B3GAT2: variants seen among roughly 807,000 people sequenced by gnomAD.
B3GAT2 encodes galactosylgalactosylxylosylprotein 3-beta-glucuronosyltransferase 2.
B3GAT2 carries 26 observed loss-of-function variants against 27.8 expected under a neutral mutation model. The ratio of observed to expected loss-of-function variants is 0.93; its 90% CI spans 0.68 to 1.30. B3GAT2 has a LOEUF of 1.30. B3GAT2 is among the 50% of genes most tolerant of loss of function. B3GAT2 has a pLI of 0.00. For missense variants in B3GAT2, 458 were observed against 459.0 expected, an observed-to-expected ratio of 1.00 and a Z score of 0.02; for synonymous variants, 218 against 195.1, an observed-to-expected ratio of 1.12 and a Z score of -0.98.
At chr6:70,904,007 A>T (rs151070592) in intron 1 of B3GAT2, among the ~76,000 whole-genome samples, 2 of 152,364 alleles carry the variant, frequency 1.3e-5, no homozygotes, top group Non-Finnish European at 2.9e-5. Flanking sequence ...TTGTAAATAG[A>T]TAAACAAATA....
intron 1 of B3GAT2, among the ~76,000 whole-genome samples, chr6:70,949,846 T>C (rs1445734035): frequency 1.3e-5 from 2 of 151,416 alleles, no homozygotes; most frequent in African/African-American, 2.4e-5. Flanking sequence ...AAATGTGGCA[T>C]ATATACACCA....
chr6:70,910,843 T>C (rs1772678375), intron 1 of B3GAT2, among the ~76,000 whole-genome samples: 1 of 152,200 alleles, frequency 6.6e-6, no homozygotes, highest in Non-Finnish European at 1.5e-5. Context: ...ATCTGCTATT[T>C]TATAACTTTT....
chr6:70,937,477 G>C (rs1483453221), intron 1 of B3GAT2, among the ~76,000 whole-genome samples: 1 of 152,116 alleles, frequency 6.6e-6, no homozygotes, highest in African/African-American at 2.4e-5. Context: ...CAATATCCTT[G>C]ATGAACATGG....
chr6:70,862,590 T>C (rs1036267536), intron 2 of B3GAT2, among the ~76,000 whole-genome samples: 8 of 152,178 alleles, frequency 5.3e-5, no homozygotes, highest in Admixed American at 2.6e-4. Flanking sequence ...GCAGGAGATA[T>C]CAGGCCATCA....
intron 2 of B3GAT2, among the ~76,000 whole-genome samples, chr6:70,882,480 G>A (rs1025562444): frequency 6.6e-6 from 1 of 152,068 alleles, no homozygotes; most frequent in Non-Finnish European, 1.5e-5. Flanking sequence ...CAGCCTGGGG[G>A]ACAGAGCGAG....
intron 1 of B3GAT2, among the ~76,000 whole-genome samples, chr6:70,955,401 C>T (rs1765637311): frequency 6.6e-6 from 1 of 151,384 alleles, no homozygotes; most frequent in Non-Finnish European, 1.5e-5. Flanking sequence ...TAACACCTAG[C>T]CTACCCGTCC....
chr6:70,883,297 A>AGG (rs1772127816), intron 2 of B3GAT2, among the ~76,000 whole-genome samples: 1 of 152,220 alleles, frequency 6.6e-6, no homozygotes, highest in Non-Finnish European at 1.5e-5. Flanking sequence ...CATTATTCAC[A>AGG]GTAGCCAAAA....
At chr6:70,939,913 A>G (rs896015427) in intron 1 of B3GAT2, among the ~76,000 whole-genome samples, 6 of 152,098 alleles carry the variant, frequency 3.9e-5, no homozygotes, top group Admixed American at 6.6e-5. Flanking sequence ...AATAATAAAA[A>G]AAATAAAATG....
intron 1 of B3GAT2, among the ~76,000 whole-genome samples, chr6:70,925,800 C>T (rs1416610284): frequency 2.6e-5 from 4 of 152,218 alleles, no homozygotes; most frequent in South Asian, 4.1e-4. Flanking sequence ...GAGCAGTGGT[C>T]CTCCCAGCAC....
In B3GAT2 at chr6:70,956,938, G is replaced by C. The variant is rs1035962910; in HGVS notation, c.-509C>G. On this transcript the variant is annotated 5_prime_UTR_variant, in exon 1 of 4. Coordinates refer to ENST00000230053, the MANE Select transcript of B3GAT2 (RefSeq NM_080742.3). Reference sequence around the variant, plus strand: ...GGCTTTCCTTCCTCACATTCCCGCCGGGGTGGCGAGGAGCGGGTGGAGACG... The same window carrying C: ...GGCTTTCCTTCCTCACATTCCCGCCCGGGTGGCGAGGAGCGGGTGGAGACG... 2.7e-5 allele frequency: 27 copies of C among 1,015,296 alleles called. No individual in the cohort carries two copies. The highest frequency in any genetic ancestry group is 2.9e-5 in the Non-Finnish European group (25 of 850,094). The allele number at this position is 1,015,296 out of a possible 1,614,324, so 62.9% of individuals were successfully genotyped here.
intron 1 of B3GAT2, among the ~76,000 whole-genome samples, chr6:70,907,742 G>A (rs1772624721): frequency 6.6e-6 from 1 of 152,170 alleles, no homozygotes; most frequent in South Asian, 2.1e-4. Flanking sequence ...GTCATGTGTT[G>A]CTTATAAAGC....
chr6:70,921,675 T>C (rs1772873122), intron 1 of B3GAT2, among the ~76,000 whole-genome samples: 1 of 152,238 alleles, frequency 6.6e-6, no homozygotes, highest in Admixed American at 6.5e-5. Context: ...TCTAGTTTTT[T>C]GAATTGCCAG....
At chr6:70,938,257 TACAA>T (rs202033851) in intron 1 of B3GAT2, among the ~76,000 whole-genome samples, 1 of 47,996 alleles carries the variant, frequency 2.1e-5, no homozygotes, top group African/African-American at 1.0e-4. Flanking sequence ...TAAAAGAGGA[TACAA>T]ACAAATGGAA....
At chr6:70,889,615 C>T (rs62419743) in intron 2 of B3GAT2, among the ~76,000 whole-genome samples, 16,913 of 152,056 alleles carry the variant, frequency 0.11, 1,077 homozygotes, top group South Asian at 0.21. Context: ...AATCACACAA[C>T]CCTCGAGTTG....
At position 70,859,304 on chromosome 6, in the gene B3GAT2, A is replaced by C. The variant is rs1771588758; in HGVS notation, c.*2359T>G. The C allele has an allele frequency of 6.6e-7, 1 of 1,523,076 alleles. No homozygotes were observed. The allele number at this position is 1,523,076 out of a possible 1,614,324, so 94.3% of individuals were successfully genotyped here. ...TAAGGTGCTAGATGAACCAGGAAGGAGTTAATACTGGCTCTTACTTCCAGA... is the reference window on the plus strand; with the variant it reads ...TAAGGTGCTAGATGAACCAGGAAGGCGTTAATACTGGCTCTTACTTCCAGA... On this transcript the variant is annotated 3_prime_UTR_variant, in exon 4 of 4. Coordinates refer to ENST00000230053, the MANE Select transcript of B3GAT2 (RefSeq NM_080742.3).
In B3GAT2 at chr6:70,903,552, T is replaced by C. The variant is rs79916286; in HGVS notation, c.592-9280A>G. 9.9e-3 allele frequency among the ~76,000 whole-genome samples: 1,501 copies of C among 152,156 alleles called. 31 individuals carry two copies. Among genetic ancestry groups the C allele is most frequent in the African/African-American group, 0.034 (1,421 of 41,514 alleles). ...TAAAAAAGTCAGTGAAAGATATGAA[T>C]GGACATTTCATCAAGATATATGAAT... On this transcript the variant is annotated intron_variant, in intron 1 of 3. Transcript: ENST00000230053.
intron 2 of B3GAT2, among the ~76,000 whole-genome samples, chr6:70,867,741 G>A (rs1208669212): frequency 6.6e-6 from 1 of 152,036 alleles, no homozygotes; most frequent in Non-Finnish European, 1.5e-5. Context: ...AAGCATTTAA[G>A]GAAGAAATGA....
intron 2 of B3GAT2, among the ~76,000 whole-genome samples, chr6:70,893,521 T>G (rs1243905004): frequency 6.6e-6 from 1 of 152,160 alleles, no homozygotes; most frequent in African/African-American, 2.4e-5. Context: ...AAGTAGCATT[T>G]TAGAACGTGT....
chr6:70,890,088 C>G (rs1261633749), intron 2 of B3GAT2, among the ~76,000 whole-genome samples: 1 of 152,120 alleles, frequency 6.6e-6, no homozygotes, highest in East Asian at 1.9e-4. Context: ...GTCCAGAAAC[C>G]TAACTTTGCT....
Sources: allele counts gnomAD v4.1 joint callset (sites outside exome capture counted in the v4.1 genomes callset), GRCh38; gene constraint gnomAD v4.1.1; transcripts MANE v1.5; gene names NCBI Gene and HGNC (gene_info 2026-07-23, HGNC 2026-07-21).